FHIT: variants seen among roughly 807,000 people sequenced by gnomAD.
FHIT encodes bis(5'-adenosyl)-triphosphatase.
In FHIT, 19 loss-of-function variants were observed where a neutral mutation model predicts 17.9. That is an observed-to-expected ratio of 1.06 (90% CI 0.74 to 1.56). The LOEUF is 1.56. Ranked by LOEUF, FHIT falls within the 40% of genes most tolerant of loss-of-function variation. FHIT has a pLI of 0.00. For synonymous variants in FHIT, 81 were observed against 69.7 expected, an observed-to-expected ratio of 1.16 and a Z score of -0.81; for missense variants, 248 against 189.2, an observed-to-expected ratio of 1.31 and a Z score of -1.82.
At chr3:59,759,193 A>G (rs1279706042) in intron 8 of FHIT, among the ~76,000 whole-genome samples, 1 of 151,918 alleles carries the variant, frequency 6.6e-6, no homozygotes, top group Non-Finnish European at 1.5e-5. Context: ...TGGAAGAGTG[A>G]GAGAGAGGAC....
intron 5 of FHIT, among the ~76,000 whole-genome samples, chr3:60,454,846 G>T (rs1403972576): frequency 6.6e-6 from 1 of 151,966 alleles, no homozygotes; most frequent in Non-Finnish European, 1.5e-5. Context: ...CTTATCCAGG[G>T]TTGTAAAGAT....
At chr3:59,837,027 AAC>A (rs944156167) in intron 8 of FHIT, among the ~76,000 whole-genome samples, 5 of 152,216 alleles carry the variant, frequency 3.3e-5, no homozygotes, top group African/African-American at 1.2e-4. Context: ...TATTTGGAGA[AAC>A]ACAGTTAATT....
At chr3:60,501,466 C>T (rs909341090) in intron 5 of FHIT, among the ~76,000 whole-genome samples, 5 of 152,082 alleles carry the variant, frequency 3.3e-5, no homozygotes, top group South Asian at 2.1e-4. Flanking sequence ...TATGACTAAC[C>T]GATGCATATT....
chr3:59,936,395 C>G (rs926284573), intron 7 of FHIT, among the ~76,000 whole-genome samples: 9 of 152,122 alleles, frequency 5.9e-5, no homozygotes, highest in Non-Finnish European at 1.3e-4. Context: ...TTTTCCTTGT[C>G]TTACTCATTT....
chr3:60,623,489 T>A (rs1314821815), intron 4 of FHIT, among the ~76,000 whole-genome samples: 1 of 152,176 alleles, frequency 6.6e-6, no homozygotes, highest in Non-Finnish European at 1.5e-5. Context: ...AACATGTTCA[T>A]TTTTTTCTTT....
At chr3:60,502,763 C>T (rs2034574167) in intron 5 of FHIT, among the ~76,000 whole-genome samples, 1 of 152,012 alleles carries the variant, frequency 6.6e-6, no homozygotes, top group Non-Finnish European at 1.5e-5. Flanking sequence ...ATAGTAAAAG[C>T]CATTAAAATC....
At chr3:60,183,771 A>C (rs1702043922) in intron 5 of FHIT, among the ~76,000 whole-genome samples, 1 of 152,108 alleles carries the variant, frequency 6.6e-6, no homozygotes, top group Non-Finnish European at 1.5e-5. Context: ...ACTAAGAAAA[A>C]ATATTTCCTA....
At chr3:60,621,256 C>T (rs1285073433) in intron 4 of FHIT, among the ~76,000 whole-genome samples, 3 of 146,968 alleles carry the variant, frequency 2.0e-5, no homozygotes, top group Non-Finnish European at 3.0e-5. Context: ...TCAAGCAATT[C>T]TCCTACCTCA....
intron 4 of FHIT, among the ~76,000 whole-genome samples, chr3:60,705,748 T>C (rs1177806963): frequency 6.6e-6 from 1 of 152,134 alleles, no homozygotes; most frequent in Non-Finnish European, 1.5e-5. Context: ...GAACGGAGTC[T>C]AAACATTCTA....
chr3:60,732,570 C>T, intron 4 of FHIT: 1 of 605,980 alleles, frequency 1.7e-6, no homozygotes, highest in Admixed American at 1.9e-5. Context: ...GCAAACAGCT[C>T]GAAGGAGACG....
intron 5 of FHIT, among the ~76,000 whole-genome samples, chr3:60,184,410 A>T (rs1702076252): frequency 3.9e-5 from 6 of 152,074 alleles, no homozygotes. Flanking sequence ...GTTTCTTATG[A>T]CCTTAATAGT....
intron 4 of FHIT, among the ~76,000 whole-genome samples, chr3:60,568,021 A>G (rs1168669996): frequency 4.6e-5 from 7 of 152,196 alleles, no homozygotes; most frequent in Non-Finnish European, 1.0e-4. Context: ...ACTGTAAACT[A>G]GTTCAACCAT....
chr3:60,716,838 CT>C (rs1217689648), intron 4 of FHIT, among the ~76,000 whole-genome samples: 1 of 152,180 alleles, frequency 6.6e-6, no homozygotes, highest in Non-Finnish European at 1.5e-5. Context: ...TACAATGTCA[CT>C]AGGCAATAGG....
chr3:59,752,106 A>C, intron 9 of FHIT, 115 bp downstream of exon 9: 1 of 675,474 alleles, frequency 1.5e-6, no homozygotes, highest in Non-Finnish European at 2.5e-6. Context: ...TGTCCTTTGC[A>C]GCCACCACCC....
At chr3:60,276,764 A>G (rs894529711) in intron 5 of FHIT, among the ~76,000 whole-genome samples, 22 of 152,276 alleles carry the variant, frequency 1.4e-4, no homozygotes, top group African/African-American at 4.8e-4. Context: ...GCTTACAATC[A>G]TGGCAGAAAA....
At chr3:60,952,392 G>T (rs1708927305) in intron 3 of FHIT, among the ~76,000 whole-genome samples, 1 of 152,116 alleles carries the variant, frequency 6.6e-6, no homozygotes, top group Non-Finnish European at 1.5e-5. Context: ...TCTGGTGTCT[G>T]TGTAGTCACA....
chr3:59,937,290 A>G (rs2107253504), intron 7 of FHIT, among the ~76,000 whole-genome samples: 1 of 152,272 alleles, frequency 6.6e-6, no homozygotes, highest in South Asian at 2.1e-4. Flanking sequence ...TTGTTTAACT[A>G]GAGAGAAAAA....
intron 4 of FHIT, among the ~76,000 whole-genome samples, chr3:60,727,139 A>T (rs2041932273): frequency 6.6e-6 from 1 of 152,224 alleles, no homozygotes; most frequent in East Asian, 1.9e-4. Context: ...ACCATTATAG[A>T]GAATGCAGAA....
At position 60,632,084 on chromosome 3, in the gene FHIT, GTT is replaced by G. The variant is rs142879488; in HGVS notation, c.-17-95107_-17-95106del. ...GCTGGGGAGAATTTGGGAAAGAAGT[GTT>G]TTTTTTTTGTTTTTTGTTTTTTTTT... On this transcript the variant is annotated intron_variant, in intron 4 of 9. Coordinates refer to ENST00000492590, the MANE Select transcript of FHIT (RefSeq NM_002012.4). Among the ~76,000 whole-genome samples, 668 of 149,282 alleles carry G rather than the reference GTT, an allele frequency of 4.5e-3. 4 individuals are homozygous for G. The highest frequency in any genetic ancestry group is 0.016 in the African/African-American group (645 of 39,792).
Sources: allele counts gnomAD v4.1 joint callset (sites outside exome capture counted in the v4.1 genomes callset), GRCh38; gene constraint gnomAD v4.1.1; transcripts MANE v1.5; gene names NCBI Gene and HGNC (gene_info 2026-07-23, HGNC 2026-07-21).